ELMO1: variants seen among roughly 807,000 people sequenced by gnomAD.
The protein encoded by ELMO1 is engulfment and cell motility protein 1.
ELMO1 carries 26 observed loss-of-function variants against 98.9 expected under a neutral mutation model. The observed-to-expected ratio is 0.26, with a 90% CI of 0.19 to 0.36. The LOEUF (loss-of-function observed/expected upper bound fraction) is 0.36. ELMO1 is among the 10% of genes least tolerant of loss of function. The pLI is 1.00. For missense variants in ELMO1, 627 were observed against 935.2 expected (o/e 0.67, Z 4.30); for synonymous variants, 346 against 346.0 (o/e 1.00, Z 0.00).
chr7:37,150,170 T>A (rs1189190741), intron 13 of ELMO1, among the ~76,000 whole-genome samples: 1 of 152,178 alleles, frequency 6.6e-6, no homozygotes, highest in Non-Finnish European at 1.5e-5. Context: ...ATGCTAGGGA[T>A]CTGAGCCATG....
intron 4 of ELMO1, among the ~76,000 whole-genome samples, chr7:37,283,830 T>G (rs535289648): frequency 1.3e-5 from 2 of 152,350 alleles, no homozygotes; most frequent in African/African-American, 2.4e-5. Flanking sequence ...CTGACAAGTT[T>G]ATGCACCATC....
At chr7:37,112,125 T>A (rs1785284776) in intron 14 of ELMO1, among the ~76,000 whole-genome samples, 1 of 152,132 alleles carries the variant, frequency 6.6e-6, no homozygotes, top group Non-Finnish European at 1.5e-5. Context: ...TGTTCAGAGA[T>A]TCAACACATC....
At chr7:37,232,681 C>T (rs1794242954) in intron 8 of ELMO1, among the ~76,000 whole-genome samples, 1 of 152,192 alleles carries the variant, frequency 6.6e-6, no homozygotes, top group Admixed American at 6.5e-5. Flanking sequence ...TATAACCCTG[C>T]TTCAAACCTA....
chr7:37,103,877 ACC>A (rs199536109), intron 14 of ELMO1, among the ~76,000 whole-genome samples: 6,220 of 151,018 alleles, frequency 0.041, 365 homozygotes, highest in African/African-American at 0.13. Flanking sequence ...GGTGGCGGGC[ACC>A]TGTAGTCCCA....
intron 1 of ELMO1, among the ~76,000 whole-genome samples, chr7:37,434,709 G>A (rs185485940): frequency 2.0e-5 from 3 of 152,200 alleles, no homozygotes; most frequent in African/African-American, 4.8e-5. Flanking sequence ...TCTAATCCAC[G>A]CTGGAGTGCT....
chr7:36,954,780 C>T (rs1286833756), intron 16 of ELMO1, among the ~76,000 whole-genome samples: 3 of 152,296 alleles, frequency 2.0e-5, no homozygotes, highest in East Asian at 1.9e-4. Flanking sequence ...ATGGTCTCCT[C>T]GGTCCACTGT....
intron 13 of ELMO1, among the ~76,000 whole-genome samples, chr7:37,189,320 C>T (rs1408638298): frequency 6.6e-6 from 1 of 152,154 alleles, no homozygotes; most frequent in East Asian, 1.9e-4. Flanking sequence ...GATGGAGATT[C>T]TAATGTGAAC....
intron 15 of ELMO1, among the ~76,000 whole-genome samples, chr7:37,036,114 A>G (rs1420545213): frequency 6.6e-6 from 1 of 152,208 alleles, no homozygotes; most frequent in Non-Finnish European, 1.5e-5. Context: ...TTCATGCATC[A>G]TGGCATACCT....
intron 4 of ELMO1, among the ~76,000 whole-genome samples, chr7:37,272,694 AAG>A (rs2130861632): frequency 6.6e-6 from 1 of 152,210 alleles, no homozygotes; most frequent in South Asian, 2.1e-4. Context: ...AAAAAAAAAA[AAG>A]GAATTAAGTA....
At chr7:37,399,177 C>T (rs1270909549) in intron 1 of ELMO1, among the ~76,000 whole-genome samples, 2 of 152,146 alleles carry the variant, frequency 1.3e-5, no homozygotes, top group African/African-American at 2.4e-5. Context: ...CATAGCCTGC[C>T]CAGGCTCTGC....
At chr7:36,971,794 G>C (rs761921378) in intron 16 of ELMO1, among the ~76,000 whole-genome samples, 17 of 152,248 alleles carry the variant, frequency 1.1e-4, no homozygotes, top group Admixed American at 3.9e-4. Context: ...AACTGGTGTC[G>C]GAGCGGGTCC....
intron 5 of ELMO1, 60 bp from the exon 6 acceptor site, chr7:37,259,410 A>C (rs1484777014): frequency 1.3e-6 from 2 of 1,564,172 alleles, no homozygotes; most frequent in South Asian, 2.3e-5. Context: ...AGCAAAACAG[A>C]TTTATGTTTC....
chr7:37,173,084 A>G (rs1790278196), intron 13 of ELMO1, among the ~76,000 whole-genome samples: 2 of 152,252 alleles, frequency 1.3e-5, no homozygotes, highest in Admixed American at 1.3e-4. Context: ...CGAAATGTGA[A>G]ATAGCATTTC....
At chr7:37,249,881 C>T (rs1370701206) in intron 6 of ELMO1, among the ~76,000 whole-genome samples, 3 of 152,088 alleles carry the variant, frequency 2.0e-5, no homozygotes, top group East Asian at 1.9e-4. Context: ...GAGTTCAACA[C>T]CAGCCTGGGA....
chr7:37,172,685 C>T (rs745586572), intron 13 of ELMO1, among the ~76,000 whole-genome samples: 6 of 152,144 alleles, frequency 3.9e-5, no homozygotes, highest in South Asian at 2.1e-4. Context: ...AGTACATTGC[C>T]GACAATACCA....
intron 13 of ELMO1, 121 bp from the exon 14 acceptor site, chr7:37,133,355 T>C (rs558911889): frequency 4.5e-5 from 30 of 667,346 alleles, no homozygotes; most frequent in Admixed American, 9.7e-5. Context: ...TAATCAAACA[T>C]GATGACATTT....
rs111646815 is a variant in ELMO1, at chr7:37,037,684, T to C, written c.1301-24249A>G. Among the ~76,000 whole-genome samples, 283 of 152,194 alleles carry C rather than the reference T, an allele frequency of 1.9e-3. 1 individual carries two copies. The highest frequency in any genetic ancestry group is 5.2e-3 in the African/African-American group (217 of 41,522). On this transcript the variant is annotated intron_variant, in intron 15 of 21. Transcript: ENST00000310758. The stretch of plus-strand genomic sequence containing the variant: ...CAAGTGAGCTGGGGTCAACAGAAGT[T>C]TTGTATCAGAACTCACAGAATTGCT...
intron 1 of ELMO1, among the ~76,000 whole-genome samples, chr7:37,378,563 A>G (rs934259488): frequency 2.6e-5 from 4 of 152,122 alleles, no homozygotes; most frequent in African/African-American, 4.8e-5. Context: ...AACAAATGTC[A>G]TTTTAAAAAT....
chr7:37,021,795 C>T (rs971209308), intron 15 of ELMO1, among the ~76,000 whole-genome samples: 2 of 152,074 alleles, frequency 1.3e-5, no homozygotes, highest in Non-Finnish European at 2.9e-5. Context: ...TCAGTCGTTA[C>T]TAGTTTTAAT....
Sources: gnomAD v4.1 joint callset for allele counts (sites outside exome capture counted in the v4.1 genomes callset) on GRCh38, gnomAD v4.1.1 for gene constraint, MANE v1.5 for transcripts, NCBI Gene and HGNC (gene_info 2026-07-23, HGNC 2026-07-21) for gene names.